PPFIA4: variants seen among roughly 807,000 people sequenced by gnomAD.
The protein encoded by PPFIA4 is PPFI scaffold protein A4.
In PPFIA4, 98 loss-of-function variants were observed where a neutral mutation model predicts 145.7. The observed-to-expected ratio is 0.67, with a 90% CI of 0.57 to 0.80. The LOEUF (loss-of-function observed/expected upper bound fraction) is 0.80. Ranked by LOEUF, PPFIA4 falls within the 30% of genes least tolerant of loss-of-function variation. PPFIA4 has a pLI of 0.00. For missense variants in PPFIA4, 1,457 were observed against 1,632.7 expected (o/e 0.89, Z 1.85); for synonymous variants, 628 against 649.6 (o/e 0.97, Z 0.51).
At chr1:203,054,049 C>A in intron 15 of PPFIA4, 88 bp downstream of exon 15, 2 of 1,393,836 alleles carry the variant, frequency 1.4e-6, no homozygotes, top group Non-Finnish European at 9.8e-7. Flanking sequence ...GTTTGCCCAA[C>A]TCTTATAGCT....
chr1:203,049,641 C>A, intron 12 of PPFIA4, 35 bp from the exon 13 acceptor site: 1 of 1,447,580 alleles, frequency 6.9e-7, no homozygotes, highest in Non-Finnish European at 9.2e-7. Flanking sequence ...TCCCTGGCCC[C>A]CACTCCCGCC....
rs184069685 is a variant in PPFIA4, at chr1:203,068,048, C to A, written c.3148+256C>A. Reference sequence around the variant, plus strand: ...GACAAATGCAGTGAATCCTCTGGGACGGTGTTATAGACTGGTGTGCCTGTG... The same window carrying A: ...GACAAATGCAGTGAATCCTCTGGGAAGGTGTTATAGACTGGTGTGCCTGTG... On this transcript the variant is annotated intron_variant, in intron 26 of 29. Transcript: ENST00000295706. This position sits in a 1 kb window ranked among gnomAD's most constrained non-coding sequence, Gnocchi z 4.7. 6.6e-6 allele frequency among the ~76,000 whole-genome samples: 1 copy of A among 152,108 alleles called. No individual in the cohort carries two copies. Among genetic ancestry groups the A allele is most frequent in the Non-Finnish European group, 1.5e-5 (1 of 68,022 alleles).
At chr1:203,074,284 T>A (rs1461200769) in intron 28 of PPFIA4, among the ~76,000 whole-genome samples, 1 of 152,194 alleles carries the variant, frequency 6.6e-6, no homozygotes, top group Non-Finnish European at 1.5e-5. Flanking sequence ...CTAGGCTATA[T>A]GGTATAGCCT....
At position 203,045,468 on chromosome 1, in the gene PPFIA4, T is replaced by C; in HGVS notation, c.767T>C (p.Val256Ala). The part of the protein sequence containing the change: ...RERLVTLTTT[V>A]TELEEDLGTA... The stretch of plus-strand genomic sequence containing the variant: ...CGACTGGTCACCCTAACAACAACCG[T>C]GACTGAACTCGAGGAGGACCTGGGC... The change falls in exon 7 of 30, where the codon GTG becomes GCG. Residue 256 changes from valine to alanine, a missense_variant. Coordinates refer to ENST00000295706, the MANE Select transcript of PPFIA4 (RefSeq NM_001304331.2). 6.2e-7 allele frequency: 1 copy of C among 1,609,696 alleles called. No homozygotes were observed. Among genetic ancestry groups the C allele is most frequent in the Non-Finnish European group, 8.5e-7 (1 of 1,178,654 alleles).
rs758829277 is a variant in PPFIA4, at chr1:203,068,510, G to C, written c.3206G>C (p.Arg1069Pro). Residue 1069 changes from arginine to proline, a missense_variant, in exon 27 of 30, where the codon CGG becomes CCG. Arg to Pro is a moderately radical substitution (Grantham distance 103). Coordinates refer to ENST00000295706, the MANE Select transcript of PPFIA4 (RefSeq NM_001304331.2). This position sits in a 1 kb window ranked among gnomAD's most constrained non-coding sequence, Gnocchi z 4.7. The stretch of plus-strand genomic sequence containing the variant: ...CATTGGGTCCAGTCTATTGGGCTCC[G>C]GGACTACGCAGGAAACCTGCATGAG... Reference protein sequence around the residue: ...VVHWVQSIGLRDYAGNLHESG... With the variant: ...VVHWVQSIGLPDYAGNLHESG... 1 of 1,609,174 alleles carries C rather than the reference G, an allele frequency of 6.2e-7. No homozygotes were observed.
rs144221629 is a variant in PPFIA4 at position 203,032,857 on chromosome 1, A to C, written c.-399-5753A>C. Among the ~76,000 whole-genome samples the C allele has an allele frequency of 7.7e-3, 1,173 of 152,160 alleles. 16 individuals carry two copies. The highest frequency in any genetic ancestry group is 0.027 in the African/African-American group (1,109 of 41,518). ...GATTGTTAACAGTGGTTTACTGTCT[A>C]AACCATGACCCTCTAAACCAAGAGG... On this transcript the variant is annotated intron_variant, in intron 1 of 29. Transcript: ENST00000295706.
intron 6 of PPFIA4, 55 bp from the exon 7 acceptor site, chr1:203,045,313 T>A: frequency 7.0e-7 from 1 of 1,421,880 alleles, no homozygotes; most frequent in South Asian, 1.4e-5. Context: ...GATAGGGGAG[T>A]GGGGTGGGTG....
intron 2 of PPFIA4, among the ~76,000 whole-genome samples, chr1:203,040,832 G>T (rs1659648983): frequency 6.6e-6 from 1 of 152,208 alleles, no homozygotes; most frequent in Non-Finnish European, 1.5e-5. Flanking sequence ...AGATCATACA[G>T]CTAACAGGGG....
intron 2 of PPFIA4, among the ~76,000 whole-genome samples, chr1:203,039,888 G>C (rs186584409): frequency 6.6e-6 from 1 of 152,344 alleles, no homozygotes; most frequent in East Asian, 1.9e-4. Flanking sequence ...AACTAAAGCT[G>C]GGGAGATGAG....
chr1:203,052,054 C>CCCG (rs1553257089), intron 14 of PPFIA4, among the ~76,000 whole-genome samples, 177 bp downstream of exon 14: 1 of 104,122 alleles, frequency 9.6e-6, no homozygotes, highest in Admixed American at 8.5e-5. Flanking sequence ...TGCCCCCCCC[C>CCCG]CCGCTTGCCT....
chr1:203,075,498 G>T lies in PPFIA4; in HGVS notation c.3394-79G>T. 3 of 1,227,462 alleles carry T rather than the reference G, an allele frequency of 2.4e-6. No homozygotes were observed. Among genetic ancestry groups the T allele is most frequent in the South Asian group, 2.5e-5 (1 of 39,570 alleles). The allele number at this position is 1,227,462 out of a possible 1,614,324, so 76.0% of individuals were successfully genotyped here. A position where few individuals can be genotyped will look rare whatever the true frequency, so the allele number is the denominator to read the frequency against. ...GAGTGGTGCCCCTTGAACCAGCAGC[G>T]ACTGGCCCCCTCCAGGCAGGGCGTG... On this transcript the variant is annotated intron_variant, in intron 28 of 29. Transcript: ENST00000295706. This position sits in a 1 kb window ranked among gnomAD's most constrained non-coding sequence, Gnocchi z 4.1.
rs1454108927 is a variant in PPFIA4 at position 203,057,052 on chromosome 1, G to A, written c.2407+102G>A. On this transcript the variant is annotated intron_variant, in intron 19 of 29. Coordinates refer to ENST00000295706, the MANE Select transcript of PPFIA4 (RefSeq NM_001304331.2). ...TTCTCTGCCTGCGTCCCAGGGACCA[G>A]TTGGGGGAAGCCCCAGGCAGGTTAC... The A allele has an allele frequency of 3.2e-6, 5 of 1,555,140 alleles. No individual in the cohort carries two copies. The East Asian group carries it at 9.1e-5, about 28-fold the overall frequency.
At chr1:203,042,767 G>T (rs1042415159) in intron 2 of PPFIA4, among the ~76,000 whole-genome samples, 2 of 82,328 alleles carry the variant, frequency 2.4e-5, no homozygotes, top group Admixed American at 3.0e-4. Context: ...CTCTGGAGTA[G>T]CTGGAATTAC....
At chr1:203,032,885 C>T (rs948962815) in intron 1 of PPFIA4, among the ~76,000 whole-genome samples, 6 of 152,018 alleles carry the variant, frequency 3.9e-5, no homozygotes, top group African/African-American at 1.4e-4. Context: ...CCAAGAGGAT[C>T]ATGGTTTAGA....
chr1:203,068,506 C>T lies in PPFIA4; in HGVS notation c.3202C>T (p.Leu1068Phe). ...QVVHWVQSIG[L>F]RDYAGNLHES... ...GGTTCATTGGGTCCAGTCTATTGGG[C>T]TCCGGGACTACGCAGGAAACCTGCA... Residue 1068 changes from leucine to phenylalanine, a missense_variant, in exon 27 of 30, where the codon CTC becomes TTC. Physicochemically the swap from Leu to Phe is conservative, Grantham distance 22. Transcript: ENST00000295706. The surrounding 1 kb of genome is among the most constrained non-coding windows in gnomAD (Gnocchi z 4.7). 1 of 1,609,492 alleles carries T rather than the reference C, an allele frequency of 6.2e-7. No individual in the cohort carries two copies. Among genetic ancestry groups the T allele is most frequent in the Non-Finnish European group, 8.5e-7 (1 of 1,177,932 alleles).
At position 203,044,701 on chromosome 1, in the gene PPFIA4, T is replaced by A; in HGVS notation, c.582T>A (p.Ser194=). 1 of 1,554,620 alleles carries A rather than the reference T, an allele frequency of 6.4e-7. No individual in the cohort carries two copies. Among genetic ancestry groups the A allele is most frequent in the Non-Finnish European group, 8.7e-7 (1 of 1,149,328 alleles). ...EQLAGAHQQV[S]ALQQGAGVRD... ...CTGGGGCTTGTGCCCTACAGGTGTC[T>A]GCCCTGCAGCAGGGGGCAGGGGTGC... is the stretch of plus-strand genomic sequence containing the variant. The change falls in exon 6 of 30, where the codon TCT becomes TCA. Residue 194 remains serine (S), a synonymous_variant. Coordinates refer to ENST00000295706, the MANE Select transcript of PPFIA4 (RefSeq NM_001304331.2).
chr1:203,037,614 C>G (rs1659381857), intron 1 of PPFIA4, among the ~76,000 whole-genome samples: 1 of 152,228 alleles, frequency 6.6e-6, no homozygotes, highest in East Asian at 1.9e-4. Context: ...TCATTACTTT[C>G]CTGTTACTTC....
chr1:203,035,402 G>A (rs551596898), intron 1 of PPFIA4: 1 of 437,046 alleles, frequency 2.3e-6, no homozygotes, highest in East Asian at 7.1e-5. Flanking sequence ...TGTGTGTTAG[G>A]AAAAGGTGGG....
At position 203,071,774 on chromosome 1, in the gene PPFIA4, C is replaced by T. The variant is rs779094467; in HGVS notation, c.3393+14C>T. 138 of 1,601,180 alleles carry T rather than the reference C, an allele frequency of 8.6e-5. No homozygotes were observed. The highest frequency in any genetic ancestry group is 1.1e-4 in the Non-Finnish European group (127 of 1,169,720). ...AAGCTGGATGACGTGAGTACCTGGC[C>T]ATGAATTAGGAGCCTTGGGGATTTG... On this transcript the variant is annotated intron_variant, in intron 28 of 29. Transcript: ENST00000295706.
Sources: gnomAD v4.1 joint callset for allele counts (sites outside exome capture counted in the v4.1 genomes callset) on GRCh38, gnomAD v4.1.1 for gene constraint, Gnocchi (gnomAD v3.1) non-coding constraint, MANE v1.5 for transcripts, NCBI Gene and HGNC (gene_info 2026-07-23, HGNC 2026-07-21) for gene names.